Variants in CCDC192 observed in about 807,000 individuals in gnomAD.
The protein encoded by CCDC192 is coiled-coil domain containing 192, also known as coiled-coil domain-containing protein 192.
intron 2 of CCDC192, among the ~76,000 whole-genome samples, chr5:127,733,847 T>G (rs1227239701): frequency 6.6e-6 from 1 of 151,402 alleles, no homozygotes; most frequent in African/African-American, 2.4e-5. Context: ...AGTTTCTTTT[T>G]TTTTTTTTCC....
intron 5 of CCDC192, among the ~76,000 whole-genome samples, chr5:127,862,195 ATTCCTTT>A (rs1344123043): frequency 2.0e-5 from 3 of 152,200 alleles, no homozygotes; most frequent in African/African-American, 7.2e-5. Context: ...AAAACCTGCA[ATTCCTTT>A]GCTTCAACAA....
chr5:127,933,536 CAT>C (rs1380452686), intron 6 of CCDC192, among the ~76,000 whole-genome samples: 2 of 152,204 alleles, frequency 1.3e-5, no homozygotes, highest in East Asian at 3.9e-4. Flanking sequence ...CTAATTGCCA[CAT>C]GAGTGATGCG....
intron 5 of CCDC192, among the ~76,000 whole-genome samples, chr5:127,835,754 AACTC>A (rs1310294121): frequency 2.0e-5 from 3 of 152,138 alleles, no homozygotes; most frequent in African/African-American, 7.2e-5. Flanking sequence ...ATCTTGTGAG[AACTC>A]ACTCACTATC....
chr5:127,795,871 C>T (rs576965351), intron 3 of CCDC192, among the ~76,000 whole-genome samples: 1 of 152,284 alleles, frequency 6.6e-6, no homozygotes, highest in African/African-American at 2.4e-5. Flanking sequence ...AGCCAGACTG[C>T]AATCCCAAAC....
intron 6 of CCDC192, among the ~76,000 whole-genome samples, chr5:127,876,359 A>C (rs1752078653): frequency 6.6e-6 from 1 of 152,214 alleles, no homozygotes; most frequent in African/African-American, 2.4e-5. Context: ...ATGTCTATTT[A>C]ATTCTAAGAA....
intron 3 of CCDC192, among the ~76,000 whole-genome samples, chr5:127,760,645 C>T (rs1459943867): frequency 1.5e-5 from 2 of 137,400 alleles, no homozygotes; most frequent in Non-Finnish European, 3.0e-5. Flanking sequence ...GGCATGGTGG[C>T]AGGCTGAGAT....
chr5:127,761,708 T>A (rs1261678212), intron 3 of CCDC192, among the ~76,000 whole-genome samples: 1 of 152,238 alleles, frequency 6.6e-6, no homozygotes, highest in African/African-American at 2.4e-5. Flanking sequence ...TTTAATAGTT[T>A]ACTTTCTCTT....
At chr5:127,745,705 T>TTGCC (rs1414614239) in intron 2 of CCDC192, among the ~76,000 whole-genome samples, 1 of 152,240 alleles carries the variant, frequency 6.6e-6, no homozygotes, top group Non-Finnish European at 1.5e-5. Context: ...CACCTATATA[T>TTGCC]TGCCTATATT....
chr5:127,809,736 C>T (rs955806421), intron 5 of CCDC192, among the ~76,000 whole-genome samples: 5 of 152,046 alleles, frequency 3.3e-5, no homozygotes, highest in South Asian at 2.1e-4. Flanking sequence ...CTACTGCAGT[C>T]GAAGGCCAAG....
intron 6 of CCDC192, among the ~76,000 whole-genome samples, chr5:127,885,694 C>A (rs1387864120): frequency 3.3e-5 from 5 of 152,084 alleles, no homozygotes; most frequent in African/African-American, 9.7e-5. Context: ...AGAAAGGATG[C>A]ACAAAACCAA....
In CCDC192 at chr5:127,835,634, G is replaced by A. The variant is rs150284506; in HGVS notation, c.411+37472G>A. Among the ~76,000 whole-genome samples, 708 of 152,278 alleles carry A rather than the reference G, an allele frequency of 4.6e-3. 4 individuals are homozygous for A. The highest frequency in any genetic ancestry group is 0.016 in the African/African-American group (668 of 41,554). Reference sequence around the variant, plus strand: ...TTCTGCATGGCTGGGGAGGCCTCAGGAAACTTAGAATCATGGTGGAAGGGG... The same window carrying A: ...TTCTGCATGGCTGGGGAGGCCTCAGAAAACTTAGAATCATGGTGGAAGGGG... On this transcript the variant is annotated intron_variant, in intron 5 of 6. Coordinates refer to ENST00000514853, the MANE Select transcript of CCDC192 (RefSeq NM_001317938.2).
chr5:127,726,329 AAAC>A lies in CCDC192; in HGVS notation c.114+18574_114+18576del, dbSNP rs1271381146. On this transcript the variant is annotated intron_variant, in intron 2 of 6. Transcript: ENST00000514853. ...TATGGGGGGTTAAATTGCATTAATTAAACAACATGTCGGGGAAAATTTCAGCGA... is the reference window on the plus strand; with the variant it reads ...TATGGGGGGTTAAATTGCATTAATTAAACATGTCGGGGAAAATTTCAGCGA... Among the ~76,000 whole-genome samples, 3 of 152,332 alleles carry A rather than the reference AAAC, an allele frequency of 2.0e-5. No homozygotes were observed. The South Asian group carries it at 6.2e-4, about 32-fold the overall frequency.
At chr5:127,792,727 A>G (rs1237103294) in intron 3 of CCDC192, among the ~76,000 whole-genome samples, 1 of 151,366 alleles carries the variant, frequency 6.6e-6, no homozygotes, top group African/African-American at 2.4e-5. Flanking sequence ...AGAAGCAGAA[A>G]AGGAGGAGAA....
intron 5 of CCDC192, among the ~76,000 whole-genome samples, chr5:127,835,737 C>T (rs1750006105): frequency 6.6e-6 from 1 of 152,094 alleles, no homozygotes; most frequent in African/African-American, 2.4e-5. Flanking sequence ...CCTTATAAAA[C>T]CATCAGATCT....
rs57101168 is a variant in CCDC192 at position 127,786,210 on chromosome 5, A to T, written c.223-10893A>T. 0.014 allele frequency: 11,326 copies of T among 781,542 alleles called. 921 individuals carry two copies. The African/African-American group carries it at 0.17, about 12-fold the overall frequency. The allele number at this position is 781,542 out of a possible 1,614,324, so 48.4% of individuals were successfully genotyped here. Reference sequence around the variant, plus strand: ...TTGCTAATTCATCTTGTGTGCCTTCATGAAGGTAAACCTGAACTCTTCATT... The same window carrying T: ...TTGCTAATTCATCTTGTGTGCCTTCTTGAAGGTAAACCTGAACTCTTCATT... On this transcript the variant is annotated intron_variant, in intron 3 of 6. Transcript: ENST00000514853.
intron 6 of CCDC192, chr5:127,940,464 TTTATAC>T (rs1420884450): frequency 6.6e-6 from 1 of 152,068 alleles, no homozygotes; most frequent in Admixed American, 6.6e-5. Context: ...TATTTATTTA[TTTATAC>T]ACAGAGTCTC....
chr5:127,747,116 A>G (rs1299444847), intron 2 of CCDC192, among the ~76,000 whole-genome samples: 2 of 138,472 alleles, frequency 1.4e-5, no homozygotes, highest in African/African-American at 2.7e-5. Context: ...TTATTTTTTT[A>G]TTGTTATACT....
chr5:127,707,989 A>G (rs248720), intron 2 of CCDC192, among the ~76,000 whole-genome samples: 94,206 of 151,870 alleles, frequency 0.62, 29,788 homozygotes, highest in Non-Finnish European at 0.66. Flanking sequence ...GAAAAGTTAC[A>G]TGTGATGTGG....
At chr5:127,812,423 T>C (rs115800926) in intron 5 of CCDC192, among the ~76,000 whole-genome samples, 2,802 of 152,282 alleles carry the variant, frequency 0.018, 75 homozygotes, top group African/African-American at 0.064. Context: ...TCCTGGGATA[T>C]AGCCAGCCCT....
Sources: gnomAD v4.1 joint callset for allele counts (sites outside exome capture counted in the v4.1 genomes callset) on GRCh38, gnomAD v4.1.1 for gene constraint, MANE v1.5 for transcripts, NCBI Gene and HGNC (gene_info 2026-07-23, HGNC 2026-07-21) for gene names.